CLEC3A: variants seen among roughly 807,000 people sequenced by gnomAD.
CLEC3A encodes the protein C-type (calcium dependent, carbohydrate-recognition domain) lectin, superfamily member 1 (cartilage-derived).
Under a neutral mutation model 20.4 loss-of-function variants are expected in CLEC3A, and 28 were observed. That is an observed-to-expected ratio of 1.37 (90% confidence interval 1.02 to 1.88). The LOEUF (loss-of-function observed/expected upper bound fraction) is 1.88. CLEC3A is among the 40% of genes most tolerant of loss of function. The pLI is 0.00. For synonymous variants in CLEC3A, 110 were observed against 88.1 expected, an observed-to-expected ratio of 1.25 and a Z score of -1.39; for missense variants, 357 against 240.4, an observed-to-expected ratio of 1.48 and a Z score of -3.21.
At chr16:78,029,314 T>C (rs1379336200) in intron 2 of CLEC3A, among the ~76,000 whole-genome samples, 1 of 152,206 alleles carries the variant, frequency 6.6e-6, no homozygotes, top group African/African-American at 2.4e-5. Flanking sequence ...GGCTCAGTTA[T>C]CTGCTTAAGA....
rs146887383 is a variant in CLEC3A at position 78,027,875 on chromosome 16, C to T, written c.116-232C>T. ...TTTGCTATGTTGGCCAGGCTGGTCT[C>T]GAACTCCTGGCCTCAAGTGGTCCAC... On this transcript the variant is annotated intron_variant, in intron 1 of 2. Coordinates refer to ENST00000299642, the MANE Select transcript of CLEC3A (RefSeq NM_005752.6). 2.0e-4 allele frequency among the ~76,000 whole-genome samples: 30 copies of T among 152,298 alleles called. No homozygotes were observed. The East Asian group carries it at 5.4e-3, about 27-fold the overall frequency.
chr16:78,030,451 T>C lies in CLEC3A; in HGVS notation c.204T>C (p.Cys68=). The part of the protein sequence containing the change: ...LKEIQALQTV[C]LRGTKVHKKC... ...TTACACTTCACATCTTCACAGTCTGTCTCCGAGGCACTAAAGTTCACAAGA... is the reference window on the plus strand; with the variant it reads ...TTACACTTCACATCTTCACAGTCTGCCTCCGAGGCACTAAAGTTCACAAGA... Residue 68 remains cysteine, a synonymous_variant, in exon 3 of 3, where the codon TGT becomes TGC. Coordinates refer to ENST00000299642, the MANE Select transcript of CLEC3A (RefSeq NM_005752.6). The C allele has an allele frequency of 6.2e-7, 1 of 1,601,774 alleles. No homozygotes were observed. The highest frequency in any genetic ancestry group is 1.1e-5 in the South Asian group (1 of 89,178).
chr16:78,022,699 T>C lies in CLEC3A; in HGVS notation c.73T>C (p.Ser25Pro). 2 of 1,613,962 alleles carry C rather than the reference T, an allele frequency of 1.2e-6. No homozygotes were observed. Among genetic ancestry groups the C allele is most frequent in the Non-Finnish European group, 1.7e-6 (2 of 1,180,006 alleles). Residue 25 changes from serine (S) to proline (P), a missense_variant, in exon 1 of 3, where the codon TCC becomes CCC. Ser to Pro is a moderately conservative substitution (Grantham distance 74). Coordinates refer to ENST00000299642, the MANE Select transcript of CLEC3A (RefSeq NM_005752.6). ...LLLDQTTSHT[S>P]RLKARKHSKR... ...CCTGGACCAGACCACCAGCCACACA[T>C]CCAGATTAAAAGCCAGGAAGCACAG...
chr16:78,028,089 C>A lies in CLEC3A; in HGVS notation c.116-18C>A. On this transcript the variant is annotated intron_variant, in intron 1 of 2. Transcript: ENST00000299642. ...CTTTTCATCCACCTACCCCATCCCA[C>A]CCTAAAATTTTCCCCAGACAAGGAT... 1.3e-6 allele frequency: 2 copies of A among 1,579,874 alleles called. No individual in the cohort carries two copies. The highest frequency in any genetic ancestry group is 1.7e-5 in the Admixed American group (1 of 57,594).
intron 2 of CLEC3A, among the ~76,000 whole-genome samples, chr16:78,030,115 T>C (rs904143344): frequency 2.3e-5 from 3 of 132,056 alleles, no homozygotes; most frequent in African/African-American, 8.6e-5. Context: ...ATGGCGCCAC[T>C]GCACTCCAGC....
rs558170839 is a variant in CLEC3A, at chr16:78,028,970, G to C, written c.199+780G>C. 4 of 348,242 alleles carry C rather than the reference G, an allele frequency of 1.1e-5. No homozygotes were observed. The East Asian group carries it at 3.4e-4, about 30-fold the overall frequency. The allele number at this position is 348,242 out of a possible 1,614,324, so 21.6% of individuals were successfully genotyped here. A position where few individuals can be genotyped will look rare whatever the true frequency, so the allele number is the denominator to read the frequency against. ...TACTCCCTTTATCAGGCTTCCGGGG[G>C]AACAGAATTAGAAAGTTAAAAGACA... On this transcript the variant is annotated intron_variant, in intron 2 of 2. Coordinates refer to ENST00000299642, the MANE Select transcript of CLEC3A (RefSeq NM_005752.6).
In CLEC3A at chr16:78,028,112, G is replaced by T; in HGVS notation, c.121G>T (p.Asp41Tyr). 6.2e-7 allele frequency: 1 copy of T among 1,607,360 alleles called. No homozygotes were observed. The highest frequency in any genetic ancestry group is 8.5e-7 in the Non-Finnish European group (1 of 1,178,376). The change falls in exon 2 of 3, where the codon GAT (aspartate) becomes TAT (tyrosine). Residue 41 changes from aspartate (D) to tyrosine (Y), a missense_variant. By Grantham distance (160) the Asp-to-Tyr change is radical. Coordinates refer to ENST00000299642, the MANE Select transcript of CLEC3A (RefSeq NM_005752.6). ...CACCCTAAAATTTTCCCCAGACAAG[G>T]ATGGAGATCTGAAGACTCAAATTGA... ...KHSKRRVRDK[D>Y]GDLKTQIEKL... is the part of the protein sequence containing the mutation.
chr16:78,023,782 G>T (rs1218616743), intron 1 of CLEC3A, among the ~76,000 whole-genome samples: 1 of 148,036 alleles, frequency 6.8e-6, no homozygotes, highest in African/African-American at 2.5e-5. Flanking sequence ...TTCTGAGACA[G>T]AGTCTCGCTC....
rs149071586 is a variant in CLEC3A at position 78,031,345 on chromosome 16, C to G, written c.*504C>G. Reference sequence around the variant, plus strand: ...GCAATAATACCTTGTCAGCCCATTACCCTTATTTTGAATTGCTCCATCTCC... The same window carrying G: ...GCAATAATACCTTGTCAGCCCATTAGCCTTATTTTGAATTGCTCCATCTCC... On this transcript the variant is annotated 3_prime_UTR_variant, in exon 3 of 3. Coordinates refer to ENST00000299642, the MANE Select transcript of CLEC3A (RefSeq NM_005752.6). The G allele has an allele frequency of 2.6e-5, 4 of 152,640 alleles. No homozygotes were observed. The South Asian group carries it at 8.3e-4, about 32-fold the overall frequency. 9.5% of individuals were successfully genotyped at this position (152,640 alleles called of 1,614,324 possible).
rs780701019 is a variant in CLEC3A, at chr16:78,028,161, C to G, written c.170C>G (p.Ala57Gly). The change falls in exon 2 of 3, where the codon GCC becomes GGC. Residue 57 changes from alanine to glycine, a missense_variant. Coordinates refer to ENST00000299642, the MANE Select transcript of CLEC3A (RefSeq NM_005752.6). ...QIEKLWTEVN[A>G]LKEIQALQTV... ...GAAAAGCTCTGGACAGAAGTCAATGCCTTGAAGGAAATTCAAGCCCTGCAG... is the reference window on the plus strand; with the variant it reads ...GAAAAGCTCTGGACAGAAGTCAATGGCTTGAAGGAAATTCAAGCCCTGCAG... 4 of 1,610,392 alleles carry G rather than the reference C, an allele frequency of 2.5e-6. No homozygotes were observed. The South Asian group carries it at 3.3e-5, about 13-fold the overall frequency.
intron 2 of CLEC3A, chr16:78,029,032 C>A (rs139663800): frequency 1.4e-5 from 6 of 436,836 alleles, no homozygotes; most frequent in African/African-American, 1.2e-4. Flanking sequence ...TTGGTTCATC[C>A]TTTACCCACA....
chr16:78,024,041 G>T (rs943292399), intron 1 of CLEC3A, among the ~76,000 whole-genome samples: 1 of 152,104 alleles, frequency 6.6e-6, no homozygotes, highest in Non-Finnish European at 1.5e-5. Flanking sequence ...ACAGGCGTGA[G>T]CCACCGCGCC....
chr16:78,024,894 T>A (rs1357060836), intron 1 of CLEC3A, among the ~76,000 whole-genome samples: 1 of 151,984 alleles, frequency 6.6e-6, no homozygotes, highest in Non-Finnish European at 1.5e-5. Context: ...TGGTGTGATC[T>A]CGGCTCACTG....
At chr16:78,023,292 A>G (rs138342708) in intron 1 of CLEC3A, among the ~76,000 whole-genome samples, 4 of 152,148 alleles carry the variant, frequency 2.6e-5, no homozygotes, top group Non-Finnish European at 5.9e-5. Context: ...ATATATTTAA[A>G]CTTTTTCATG....
chr16:78,023,530 T>C (rs1330838843), intron 1 of CLEC3A, among the ~76,000 whole-genome samples: 3 of 152,202 alleles, frequency 2.0e-5, no homozygotes, highest in Non-Finnish European at 4.4e-5. Flanking sequence ...TCATGTTTTA[T>C]CACATCCTCT....
chr16:78,028,078 A>AC (rs745366963), intron 1 of CLEC3A, 29 bp from the exon 2 acceptor site: 2 of 1,452,114 alleles, frequency 1.4e-6, no homozygotes, highest in Admixed American at 3.5e-5. Flanking sequence ...TCATCCACCT[A>AC]CCCCATCCCA....
intron 1 of CLEC3A, among the ~76,000 whole-genome samples, chr16:78,024,772 A>G (rs559733469): frequency 6.6e-6 from 1 of 152,300 alleles, no homozygotes; most frequent in East Asian, 1.9e-4. Context: ...CCACAAAATT[A>G]TCCACTATTA....
chr16:78,025,567 TG>T (rs1179733726), intron 1 of CLEC3A, among the ~76,000 whole-genome samples: 6 of 152,190 alleles, frequency 3.9e-5, no homozygotes, highest in African/African-American at 1.4e-4. Context: ...ATGACTTTTG[TG>T]TTTCTACACT....
chr16:78,030,531 G>A lies in CLEC3A; in HGVS notation c.284G>A (p.Cys95Tyr), dbSNP rs772597754. 4 of 1,614,168 alleles carry A rather than the reference G, an allele frequency of 2.5e-6. No individual in the cohort carries two copies. The highest frequency in any genetic ancestry group is 2.7e-5 in the African/African-American group (2 of 75,040). ...LKHFHEANED[C>Y]ISKGGILVIP... ...CATTTCCATGAGGCCAATGAAGACT[G>A]CATTTCCAAAGGAGGAATCCTGGTT... is the stretch of plus-strand genomic sequence containing the variant. Residue 95 changes from cysteine to tyrosine, a missense_variant, in exon 3 of 3, where the codon TGC (cysteine) becomes TAC (tyrosine). Physicochemically the swap from Cys to Tyr is radical, Grantham distance 194. Transcript: ENST00000299642.
Sources: gnomAD v4.1 joint callset for allele counts (sites outside exome capture counted in the v4.1 genomes callset) on GRCh38, gnomAD v4.1.1 for gene constraint, MANE v1.5 for transcripts, NCBI Gene and HGNC (gene_info 2026-07-23, HGNC 2026-07-21) for gene names.